The following MTO1 variants were observed in gnomAD, a reference collection of about 807,000 sequenced individuals.
MTO1 encodes mitochondrial tRNA translation optimization 1.
MTO1 carries 46 observed loss-of-function variants against 71.6 expected under a neutral mutation model. The observed-to-expected ratio is 0.64, with a 90% CI of 0.51 to 0.82. The LOEUF (loss-of-function observed/expected upper bound fraction) is 0.82. Among genes scored for constraint, MTO1 ranks in the 40% least tolerant of loss-of-function variants. The probability of loss-of-function intolerance (pLI) is 0.00; values close to 1 mark genes in which losing one functional copy is unlikely to be tolerated. For missense variants in MTO1, 773 were observed against 867.5 expected (o/e 0.89, Z 1.37); for synonymous variants, 297 against 312.1 (o/e 0.95, Z 0.51).
At chr6:73,499,402 G>T (rs1384908236) in intron 11 of MTO1, among the ~76,000 whole-genome samples, 3 of 151,688 alleles carry the variant, frequency 2.0e-5, no homozygotes, top group Non-Finnish European at 4.4e-5. Context: ...TGCACCTATA[G>T]TCCCAGCTAC....
chr6:73,485,677 AAG>A (rs1771632806), intron 9 of MTO1, among the ~76,000 whole-genome samples: 2 of 152,090 alleles, frequency 1.3e-5, no homozygotes, highest in Non-Finnish European at 2.9e-5. Flanking sequence ...TCCTTACCTC[AAG>A]ATCTGCCTGC....
intron 9 of MTO1, among the ~76,000 whole-genome samples, chr6:73,491,615 A>G (rs368042405): frequency 2.0e-3 from 310 of 152,300 alleles, no homozygotes; most frequent in Middle Eastern, 0.01. Context: ...CTTAGATGTA[A>G]AGTACATTCC....
chr6:73,486,280 C>T (rs1771650934), intron 9 of MTO1, among the ~76,000 whole-genome samples: 1 of 152,144 alleles, frequency 6.6e-6, no homozygotes, highest in South Asian at 2.1e-4. Context: ...GTGTACATTT[C>T]AGTAGTTTAA....
rs1457365776 is a variant in MTO1, at chr6:73,479,819, G to A, written c.913G>A (p.Val305Ile). Residue 305 changes from valine (V) to isoleucine (I), a missense_variant, in exon 5 of 12, where the codon GTT becomes ATT. Val to Ile is a conservative substitution (Grantham distance 29). Coordinates refer to ENST00000498286, the MANE Select transcript of MTO1 (RefSeq NM_012123.4). ...VLKNLHLNSH[V>I]KETTRGPRYC... ...TAAGAACCTTCACCTTAATAGTCAT[G>A]TTAAAGAAACGACAAGAGGACCTCG... The A allele has an allele frequency of 6.2e-7, 1 of 1,612,478 alleles. No homozygotes were observed. Among genetic ancestry groups the A allele is most frequent in the South Asian group, 1.1e-5 (1 of 91,016 alleles).
At chr6:73,484,255 A>G (rs1172297034) in intron 9 of MTO1, among the ~76,000 whole-genome samples, 3 of 152,216 alleles carry the variant, frequency 2.0e-5, no homozygotes, top group African/African-American at 7.2e-5. Context: ...ATCTTTGTCC[A>G]TTCAGACTGC....
intron 7 of MTO1, 84 bp downstream of exon 7, chr6:73,480,889 T>G: frequency 1.4e-6 from 2 of 1,409,324 alleles, no homozygotes; most frequent in Non-Finnish European, 1.9e-6. Flanking sequence ...GTTAACTATG[T>G]AGATCTTAGA....
At position 73,461,880 on chromosome 6, in the gene MTO1, G is replaced by A; in HGVS notation, c.26G>A (p.Arg9His). 2.5e-6 allele frequency: 4 copies of A among 1,613,674 alleles called. No individual in the cohort carries two copies. The highest frequency in any genetic ancestry group is 4.5e-5 in the East Asian group (2 of 44,882). The stretch of plus-strand genomic sequence containing the variant: ...ATGTTCTACTTCCGAGGCTGTGGCC[G>A]TTGGGTCGCGGTTTCCTTCACCAAG... MFYFRGCG[R>H]WVAVSFTKQQ... The change falls in exon 1 of 12, where the codon CGT (arginine) becomes CAT (histidine). Residue 9 changes from arginine (R) to histidine (H), a missense_variant. Coordinates refer to ENST00000498286, the MANE Select transcript of MTO1 (RefSeq NM_012123.4).
chr6:73,479,845 G>A lies in MTO1; in HGVS notation c.938+1G>A, dbSNP rs1287429555. The A allele has an allele frequency of 6.2e-7, 1 of 1,610,004 alleles. No individual in the cohort carries two copies. Among genetic ancestry groups the A allele is most frequent in the African/African-American group, 1.3e-5 (1 of 74,822 alleles). On this transcript the variant is annotated splice_donor_variant, in intron 5 of 11. Coordinates refer to ENST00000498286, the MANE Select transcript of MTO1 (RefSeq NM_012123.4). LOFTEE classifies it high-confidence loss of function. ...TTAAAGAAACGACAAGAGGACCTCGGTAAGGACAAAATGTCAGTGCTCAGT... is the reference window on the plus strand; with the variant it reads ...TTAAAGAAACGACAAGAGGACCTCGATAAGGACAAAATGTCAGTGCTCAGT...
At chr6:73,489,409 A>G (rs1771745678) in intron 9 of MTO1, among the ~76,000 whole-genome samples, 1 of 149,308 alleles carries the variant, frequency 6.7e-6, no homozygotes. Context: ...TACATTAGGT[A>G]TATCTCCTAA....
At chr6:73,476,559 T>C (rs556055926) in intron 4 of MTO1, among the ~76,000 whole-genome samples, 1 of 152,162 alleles carries the variant, frequency 6.6e-6, no homozygotes, top group Non-Finnish European at 1.5e-5. Context: ...GTTAATATTT[T>C]ACCATATTTA....
Position 73,501,090 on chromosome 6 carries a change from T to A in MTO1, c.*355T>A. On this transcript the variant is annotated 3_prime_UTR_variant, in exon 12 of 12. Transcript: ENST00000498286. ...TAAGTCTACCAAATTAAAAGTCTTA[T>A]CATTCAGCGTGTTTTGAGAGTTAAT... 6.2e-6 allele frequency: 1 copy of A among 161,656 alleles called. No individual in the cohort carries two copies. Among genetic ancestry groups the A allele is most frequent in the Admixed American group, 6.4e-5 (1 of 15,620 alleles). The allele number at this position is 161,656 out of a possible 1,614,324, so 10.0% of individuals were successfully genotyped here.
rs1369231683 is a variant in MTO1, at chr6:73,466,399, G to A, written c.408G>A (p.Gln136=). 2 of 1,614,158 alleles carry A rather than the reference G, an allele frequency of 1.2e-6. No individual in the cohort carries two copies. Among genetic ancestry groups the A allele is most frequent in the Non-Finnish European group, 1.7e-6 (2 of 1,180,018 alleles). ...AGATTGATAGGAAACTCTATAAACA[G>A]AACATGCAGGTAAGAATAGGGCATG... ...RAQIDRKLYK[Q]NMQKEILNTP... is the part of the protein sequence containing the mutation. Residue 136 remains glutamine, a synonymous_variant, in exon 2 of 12, where the codon CAG becomes CAA. Coordinates refer to ENST00000498286, the MANE Select transcript of MTO1 (RefSeq NM_012123.4).
rs773351915 is a variant in MTO1 at position 73,461,960 on chromosome 6, C to T, written c.106C>T (p.His36Tyr). 3 of 1,614,128 alleles carry T rather than the reference C, an allele frequency of 1.9e-6. No individual in the cohort carries two copies. The highest frequency in any genetic ancestry group is 2.5e-6 in the Non-Finnish European group (3 of 1,180,054). The stretch of plus-strand genomic sequence containing the variant: ...TGACAGCGCGGCGCCCCGGACTCCG[C>T]ACTTCGACGTGATAGTCATTGGTGG... ...SSDSAAPRTPHFDVIVIGGGH... is the reference protein window; with the variant it reads ...SSDSAAPRTPYFDVIVIGGGH... Residue 36 changes from histidine to tyrosine, a missense_variant, in exon 1 of 12, where the codon CAC becomes TAC. Coordinates refer to ENST00000498286, the MANE Select transcript of MTO1 (RefSeq NM_012123.4).
chr6:73,468,902 C>T (rs1369955478), intron 3 of MTO1, among the ~76,000 whole-genome samples: 5 of 152,178 alleles, frequency 3.3e-5, no homozygotes, highest in Admixed American at 3.3e-4. Context: ...GCCACCACAC[C>T]TGGCCTTCTC....
Position 73,466,203 on chromosome 6 carries a change from C to T in MTO1, c.218-6C>T. 3 of 1,607,280 alleles carry T rather than the reference C, an allele frequency of 1.9e-6. No homozygotes were observed. Among genetic ancestry groups the T allele is most frequent in the Non-Finnish European group, 1.7e-6 (2 of 1,173,864 alleles). On this transcript the variant is annotated splice_region_variant and splice_polypyrimidine_tract_variant and intron_variant, in intron 1 of 11. Coordinates refer to ENST00000498286, the MANE Select transcript of MTO1 (RefSeq NM_012123.4). ...TATTTATTTTGTTTATGTCTATTAT[C>T]TTTAGGTCAGATGTCATGTAATCCT... is the stretch of plus-strand genomic sequence containing the variant.
At chr6:73,464,602 G>A (rs1395094133) in intron 1 of MTO1, among the ~76,000 whole-genome samples, 1 of 150,182 alleles carries the variant, frequency 6.7e-6, no homozygotes, top group African/African-American at 2.5e-5. Flanking sequence ...CAACATGGAG[G>A]AACCCTGTCT....
chr6:73,461,966 G>T lies in MTO1; in HGVS notation c.112G>T (p.Asp38Tyr). Residue 38 changes from aspartate (D) to tyrosine (Y), a missense_variant, in exon 1 of 12, where the codon GAC becomes TAC. Transcript: ENST00000498286. ...DSAAPRTPHFDVIVIGGGHAG... is the reference protein window; with the variant it reads ...DSAAPRTPHFYVIVIGGGHAG... Reference sequence around the variant, plus strand: ...CGCGGCGCCCCGGACTCCGCACTTCGACGTGATAGTCATTGGTGGAGGACA... The same window carrying T: ...CGCGGCGCCCCGGACTCCGCACTTCTACGTGATAGTCATTGGTGGAGGACA... 1 of 1,614,248 alleles carries T rather than the reference G, an allele frequency of 6.2e-7. No individual in the cohort carries two copies. Among genetic ancestry groups the T allele is most frequent in the Non-Finnish European group, 8.5e-7 (1 of 1,180,054 alleles).
At position 73,466,587 on chromosome 6, in the gene MTO1, T is replaced by C. The variant is rs1771004225; in HGVS notation, c.516T>C (p.Arg172=). 6.2e-7 allele frequency: 1 copy of C among 1,614,046 alleles called. No homozygotes were observed. Among genetic ancestry groups the C allele is most frequent in the East Asian group, 2.2e-5 (1 of 44,886 alleles). The change falls in exon 3 of 12, where the codon CGT becomes CGC. Residue 172 remains arginine, a synonymous_variant. Coordinates refer to ENST00000498286, the MANE Select transcript of MTO1 (RefSeq NM_012123.4). Reference sequence around the variant, plus strand: ...AGCCTGAACACACTGGGAAATGCCGTGTCAGTGGGGTTGTTTTGGGTACGT... The same window carrying C: ...AGCCTGAACACACTGGGAAATGCCGCGTCAGTGGGGTTGTTTTGGGTACGT... ...EPEPEHTGKC[R]VSGVVLVDGS... is the part of the protein sequence containing the mutation.
intron 11 of MTO1, among the ~76,000 whole-genome samples, chr6:73,499,936 C>T (rs979470506): frequency 2.6e-5 from 4 of 152,254 alleles, no homozygotes; most frequent in African/African-American, 9.6e-5. Context: ...GAGGCTGTTA[C>T]ATTAGGTACC....
Sources: gnomAD v4.1 joint callset for allele counts (sites outside exome capture counted in the v4.1 genomes callset) on GRCh38, gnomAD v4.1.1 for gene constraint, MANE v1.5 for transcripts, NCBI Gene and HGNC (gene_info 2026-07-23, HGNC 2026-07-21) for gene names.